Variants in KCNK13 observed in about 807,000 individuals in gnomAD.
The protein encoded by KCNK13 is potassium two pore domain channel subfamily K member 13.
A neutral mutation model predicts 23.4 loss-of-function variants in KCNK13; 12 were observed. The ratio of observed to expected loss-of-function variants is 0.51; its 90% CI spans 0.33 to 0.83. KCNK13 has a LOEUF of 0.83. Among genes scored for constraint, KCNK13 ranks in the 40% least tolerant of loss-of-function variants. The pLI, the probability that KCNK13 is intolerant of heterozygous loss-of-function variation, is 0.02. For missense variants in KCNK13, 463 were observed against 556.3 expected (o/e 0.83, Z 1.69); for synonymous variants, 231 against 229.5 (o/e 1.01, Z -0.06).
At chr14:90,172,476 A>G (rs192650707) in intron 1 of KCNK13, among the ~76,000 whole-genome samples, 129 of 152,262 alleles carry the variant, frequency 8.5e-4, no homozygotes, top group African/African-American at 3.0e-3. Context: ...GTGCACAACT[A>G]TAGCTTTCGA....
Position 90,170,461 on chromosome 14 carries a change from G to A in KCNK13, c.335-13650G>A, listed in dbSNP as rs900471351. 2.2e-4 allele frequency among the ~76,000 whole-genome samples: 34 copies of A among 152,128 alleles called. 1 individual carries two copies. Among genetic ancestry groups the A allele is most frequent in the African/African-American group, 6.8e-4 (28 of 41,426 alleles). On this transcript the variant is annotated intron_variant, in intron 1 of 1. Coordinates refer to ENST00000282146, the MANE Select transcript of KCNK13 (RefSeq NM_022054.4). ...ACTCCTGACCTCAGGTGATCCACCC[G>A]TCTCAGCCTCCCGACGTGCTGGGAT...
intron 1 of KCNK13, among the ~76,000 whole-genome samples, chr14:90,087,129 CAT>C (rs141670518): frequency 0.022 from 2,728 of 124,576 alleles, 35 homozygotes; most frequent in Admixed American, 0.035. Flanking sequence ...TATATATATA[CAT>C]ATATATATAT....
intron 1 of KCNK13, among the ~76,000 whole-genome samples, chr14:90,089,871 G>A (rs1460130648): frequency 6.6e-6 from 1 of 152,244 alleles, no homozygotes; most frequent in African/African-American, 2.4e-5. Flanking sequence ...CTTCCGTGTG[G>A]TGTTGAGCCT....
chr14:90,069,130 G>A (rs12883232), intron 1 of KCNK13, among the ~76,000 whole-genome samples: 52,733 of 143,928 alleles, frequency 0.37, 9,520 homozygotes, highest in African/African-American at 0.43. Flanking sequence ...TCTGCCTCCC[G>A]GGTTCAAGCG....
At chr14:90,160,820 G>A (rs1890245015) in intron 1 of KCNK13, among the ~76,000 whole-genome samples, 1 of 150,094 alleles carries the variant, frequency 6.7e-6, no homozygotes, top group African/African-American at 2.5e-5. Context: ...ACCAGCCTGG[G>A]TGACAAGAGC....
chr14:90,091,737 G>A (rs1889346327), intron 1 of KCNK13, among the ~76,000 whole-genome samples: 1 of 151,840 alleles, frequency 6.6e-6, no homozygotes, highest in African/African-American at 2.4e-5. Context: ...GATGATTTAG[G>A]AAGTGAGGTT....
At chr14:90,123,375 C>T (rs1355055685) in intron 1 of KCNK13, among the ~76,000 whole-genome samples, 1 of 152,096 alleles carries the variant, frequency 6.6e-6, no homozygotes, top group East Asian at 1.9e-4. Context: ...TGTGGTCTTC[C>T]CTCCGTGTGT....
chr14:90,137,301 TA>T (rs1480502958), intron 1 of KCNK13, among the ~76,000 whole-genome samples: 3 of 151,438 alleles, frequency 2.0e-5, no homozygotes, highest in African/African-American at 7.3e-5. Context: ...TATTTTATTT[TA>T]TTATTTATTT....
At chr14:90,163,817 G>A (rs1890275386) in intron 1 of KCNK13, among the ~76,000 whole-genome samples, 1 of 152,156 alleles carries the variant, frequency 6.6e-6, no homozygotes. Flanking sequence ...TGCCTCCCGA[G>A]TAGCTGGGAG....
chr14:90,148,746 T>C (rs1423842485), intron 1 of KCNK13, among the ~76,000 whole-genome samples: 2 of 152,232 alleles, frequency 1.3e-5, no homozygotes, highest in Non-Finnish European at 2.9e-5. Context: ...AGAAGGGTGC[T>C]AATAGAGAAC....
chr14:90,075,641 G>C (rs1327035924), intron 1 of KCNK13, among the ~76,000 whole-genome samples: 4 of 152,050 alleles, frequency 2.6e-5, no homozygotes, highest in African/African-American at 9.7e-5. Context: ...ACCATGCTCG[G>C]CTAATTTTTG....
At chr14:90,072,339 C>T (rs1255130250) in intron 1 of KCNK13, among the ~76,000 whole-genome samples, 2 of 152,232 alleles carry the variant, frequency 1.3e-5, no homozygotes, top group East Asian at 1.9e-4. Flanking sequence ...GGGGTCAGAC[C>T]GTGAATGTAA....
Position 90,107,611 on chromosome 14 carries a change from G to T in KCNK13, c.334+45072G>T. The T allele has an allele frequency of 7.4e-6, 4 of 544,112 alleles. No homozygotes were observed. The East Asian group carries it at 1.4e-4, about 18-fold the overall frequency. The allele number at this position is 544,112 out of a possible 1,614,324, so 33.7% of individuals were successfully genotyped here. A position where few individuals can be genotyped will look rare whatever the true frequency, so the allele number is the denominator to read the frequency against. On this transcript the variant is annotated intron_variant, in intron 1 of 1. Transcript: ENST00000282146. Reference sequence around the variant, plus strand: ...TATTTGTAAAACAAGAATTAGGTTTGGCTCAATACTCATGCAATACCTACA... The same window carrying T: ...TATTTGTAAAACAAGAATTAGGTTTTGCTCAATACTCATGCAATACCTACA...
chr14:90,162,388 A>C (rs1890261584), intron 1 of KCNK13, among the ~76,000 whole-genome samples: 1 of 152,238 alleles, frequency 6.6e-6, no homozygotes, highest in African/African-American at 2.4e-5. Flanking sequence ...AGAACTAAAG[A>C]CACACTAGCA....
intron 1 of KCNK13, among the ~76,000 whole-genome samples, chr14:90,154,786 T>G (rs1890175906): frequency 6.6e-6 from 1 of 152,266 alleles, no homozygotes; most frequent in African/African-American, 2.4e-5. Context: ...GCTTACCCTA[T>G]TAATTTTATT....
intron 1 of KCNK13, among the ~76,000 whole-genome samples, chr14:90,143,362 A>T (rs2140429450): frequency 6.6e-6 from 1 of 151,638 alleles, no homozygotes; most frequent in Middle Eastern, 3.4e-3. Flanking sequence ...CTTTTCATAC[A>T]TCTGCTTCTT....
intron 1 of KCNK13, among the ~76,000 whole-genome samples, chr14:90,162,681 C>A (rs1566649503): frequency 6.6e-6 from 1 of 152,074 alleles, no homozygotes; most frequent in Non-Finnish European, 1.5e-5. Context: ...AAAAGCACAG[C>A]CATAAGTGAA....
chr14:90,112,442 A>G (rs2140413191), intron 1 of KCNK13, among the ~76,000 whole-genome samples: 1 of 152,342 alleles, frequency 6.6e-6, no homozygotes, highest in Admixed American at 6.5e-5. Context: ...AGAGCCATTC[A>G]GTTCTTCCGT....
chr14:90,159,933 G>A (rs1596804764), intron 1 of KCNK13, among the ~76,000 whole-genome samples: 2 of 120,502 alleles, frequency 1.7e-5, no homozygotes, highest in South Asian at 6.2e-4. Context: ...CTTAATAATC[G>A]TGTGTGTGTA....
Sources: gnomAD v4.1 joint callset for allele counts (sites outside exome capture counted in the v4.1 genomes callset) on GRCh38, gnomAD v4.1.1 for gene constraint, MANE v1.5 for transcripts, NCBI Gene and HGNC (gene_info 2026-07-23, HGNC 2026-07-21) for gene names.